Variants in TSR1 observed in about 807,000 individuals in gnomAD.
TSR1 encodes pre-rRNA-processing protein TSR1 homolog.
A neutral mutation model predicts 90.9 loss-of-function variants in TSR1; 81 were observed. The observed-to-expected ratio is 0.89, with a 90% CI of 0.74 to 1.07. The LOEUF is 1.07. Ranked by LOEUF, TSR1 falls within the 50% of genes least tolerant of loss-of-function variation. The probability of loss-of-function intolerance (pLI) is 0.00; values close to 1 mark genes in which losing one functional copy is unlikely to be tolerated. For missense variants in TSR1, 989 were observed against 987.3 expected, an observed-to-expected ratio of 1.00 and a Z score of -0.02; for synonymous variants, 362 against 348.8, an observed-to-expected ratio of 1.04 and a Z score of -0.42.
intron 11 of TSR1, among the ~76,000 whole-genome samples, chr17:2,328,040 C>T (rs1194929369): frequency 6.6e-6 from 1 of 151,664 alleles, no homozygotes; most frequent in Non-Finnish European, 1.5e-5. Context: ...CGCCTAAGGT[C>T]GAGACCAGCC....
chr17:2,328,808 T>TG (rs1289145468), intron 11 of TSR1, among the ~76,000 whole-genome samples: 1 of 147,238 alleles, frequency 6.8e-6, no homozygotes, highest in East Asian at 2.0e-4. Flanking sequence ...CCCAGCTACT[T>TG]GGGAGGCTGA....
chr17:2,325,666 G>A (rs1407607052), intron 11 of TSR1, among the ~76,000 whole-genome samples: 2 of 151,094 alleles, frequency 1.3e-5, no homozygotes, highest in East Asian at 3.9e-4. Context: ...AGGCTGGAAT[G>A]CAATGGTGTG....
intron 2 of TSR1, 124 bp downstream of exon 2, chr17:2,335,913 C>A (rs565305150): frequency 5.6e-6 from 7 of 1,243,854 alleles, no homozygotes; most frequent in Non-Finnish European, 8.0e-6. Flanking sequence ...CCTGCACGCT[C>A]GACACGTGCT....
In TSR1 at chr17:2,335,525, G is replaced by A; in HGVS notation, c.407C>T (p.Thr136Ile). ...CPRLKHRWFF[T>I]SARPGDLHVV... ...TATACTCTAACCTGGCCTTGCTGAG[G>A]TGAAAAACCACCGATGTTTCAAGCG... is the stretch of plus-strand genomic sequence containing the variant. The change falls in exon 3 of 15, where the codon ACC (threonine) becomes ATC (isoleucine). Residue 136 changes from threonine to isoleucine, a missense_variant. Coordinates refer to ENST00000301364, the MANE Select transcript of TSR1 (RefSeq NM_018128.5). The A allele has an allele frequency of 1.9e-6, 3 of 1,613,976 alleles. No individual in the cohort carries two copies. Among genetic ancestry groups the A allele is most frequent in the Non-Finnish European group, 2.5e-6 (3 of 1,180,000 alleles).
At chr17:2,325,231 A>T in intron 12 of TSR1, 73 bp downstream of exon 12, 2 of 1,150,228 alleles carry the variant, frequency 1.7e-6, no homozygotes, top group Non-Finnish European at 2.5e-6. Flanking sequence ...TCCCAAATTT[A>T]AATAAACAAG....
In TSR1 at chr17:2,332,356, C is replaced by T. The variant is rs753593435; in HGVS notation, c.1309G>A (p.Glu437Lys). Residue 437 changes from glutamate to lysine, a missense_variant, in exon 8 of 15, where the codon GAG becomes AAG. By Grantham distance (56) the Glu-to-Lys change is moderately conservative (BLOSUM62 1). Coordinates refer to ENST00000301364, the MANE Select transcript of TSR1 (RefSeq NM_018128.5). Reference sequence around the variant, plus strand: ...TATTCTTCCTCTTCTTCACTACTCTCATCCTGTAGAATAGGATTACAGTTT... The same window carrying T: ...TATTCTTCCTCTTCTTCACTACTCTTATCCTGTAGAATAGGATTACAGTTT... ...EDFMEEESQD[E>K]SSEEEEEYET... 3 of 1,593,532 alleles carry T rather than the reference C, an allele frequency of 1.9e-6. No individual in the cohort carries two copies. Among genetic ancestry groups the T allele is most frequent in the Admixed American group, 3.7e-5 (2 of 53,580 alleles).
chr17:2,335,971 A>T (rs571497444), intron 2 of TSR1, 66 bp downstream of exon 2: 52 of 1,530,732 alleles, frequency 3.4e-5, no homozygotes, highest in African/African-American at 4.1e-5. Context: ...CTCATTTTCC[A>T]CTTCGAGGCA....
Position 2,334,627 on chromosome 17 carries a change from C to T in TSR1, c.826G>A (p.Gly276Ser). 6.2e-7 allele frequency: 1 copy of T among 1,613,982 alleles called. No homozygotes were observed. The highest frequency in any genetic ancestry group is 8.5e-7 in the Non-Finnish European group (1 of 1,180,036). Residue 276 changes from glycine to serine, a missense_variant, in exon 5 of 15, where the codon GGC becomes AGC. Physicochemically the swap from Gly to Ser is moderately conservative, Grantham distance 56. Coordinates refer to ENST00000301364, the MANE Select transcript of TSR1 (RefSeq NM_018128.5). The stretch of plus-strand genomic sequence containing the variant: ...TTCAGAGTCTGCCCTCGAACATAGC[C>T]TGAAATTTTCAAGGTGCCCACCAAG... ...NNLVGTLKIS[G>S]YVRGQTLNVN... is the part of the protein sequence containing the mutation.
In TSR1 at chr17:2,323,284, C is replaced by T. The variant is rs1248101999; in HGVS notation, c.*912G>A. ...GTCAAATCCAGCATTGGCTTGAACA[C>T]CTGGCCTATTATCAGGGACCTTGTG... is the stretch of plus-strand genomic sequence containing the variant. On this transcript the variant is annotated 3_prime_UTR_variant, in exon 15 of 15. Coordinates refer to ENST00000301364, the MANE Select transcript of TSR1 (RefSeq NM_018128.5). 5.0e-6 allele frequency: 8 copies of T among 1,614,132 alleles called. No individual in the cohort carries two copies. The highest frequency in any genetic ancestry group is 6.8e-6 in the Non-Finnish European group (8 of 1,179,990).
chr17:2,334,369 C>T, intron 5 of TSR1, 103 bp downstream of exon 5: 1 of 1,217,488 alleles, frequency 8.2e-7, no homozygotes, highest in Non-Finnish European at 1.2e-6. Context: ...TTCAGACTAG[C>T]AGTCTCCTCA....
In TSR1 at chr17:2,329,475, T is replaced by C. The variant is rs1473696067; in HGVS notation, c.1771A>G (p.Met591Val). 1.9e-6 allele frequency: 3 copies of C among 1,613,574 alleles called. No homozygotes were observed. The South Asian group carries it at 3.3e-5, about 18-fold the overall frequency. The change falls in exon 11 of 15, where the codon ATG becomes GTG. Residue 591 changes from methionine to valine, a missense_variant and splice_region_variant. Physicochemically the swap from Met to Val is conservative, Grantham distance 21. Transcript: ENST00000301364. ...AFSLLPHEQKMSVLNMVVRRD... is the reference protein window; with the variant it reads ...AFSLLPHEQKVSVLNMVVRRD... ...CTCACCACCATATTCAATACTGACA[T>C]CTGGGGACCAAGTAAGAAAAACAAA...
rs1198242047 is a variant in TSR1 at position 2,323,902 on chromosome 17, A to G, written c.*294T>C. 3 of 1,593,662 alleles carry G rather than the reference A, an allele frequency of 1.9e-6. No individual in the cohort carries two copies. In the African/African-American group the frequency reaches 4.0e-5, roughly 21 times the overall value. On this transcript the variant is annotated 3_prime_UTR_variant, in exon 15 of 15. Coordinates refer to ENST00000301364, the MANE Select transcript of TSR1 (RefSeq NM_018128.5). Reference sequence around the variant, plus strand: ...ACAGAAAAGGAAATGGTGGGAATTCAGTGTCTTTAGATACTGAAGACATTT... The same window carrying G: ...ACAGAAAAGGAAATGGTGGGAATTCGGTGTCTTTAGATACTGAAGACATTT...
chr17:2,331,433 G>C (rs2064002328), intron 8 of TSR1, among the ~76,000 whole-genome samples: 1 of 152,166 alleles, frequency 6.6e-6, no homozygotes, highest in Admixed American at 6.6e-5. Flanking sequence ...ACTGCATTAG[G>C]GGAGAGGTTT....
chr17:2,333,731 C>A lies in TSR1; in HGVS notation c.982-15G>T. 1 of 1,613,772 alleles carries A rather than the reference C, an allele frequency of 6.2e-7. No individual in the cohort carries two copies. The highest frequency in any genetic ancestry group is 8.5e-7 in the Non-Finnish European group (1 of 1,179,844). ...GTAGCACAAATCTGAAAACCAAAAG[C>A]AGGTGATAGTCAACCATGAACCAAA... On this transcript the variant is annotated splice_polypyrimidine_tract_variant and intron_variant, in intron 5 of 14. Coordinates refer to ENST00000301364, the MANE Select transcript of TSR1 (RefSeq NM_018128.5).
At chr17:2,328,899 G>T (rs190599102) in intron 11 of TSR1, 6 of 211,746 alleles carry the variant, frequency 2.8e-5, no homozygotes, top group South Asian at 5.1e-5. Flanking sequence ...CAGCCTGGGC[G>T]ACAGAGTGAG....
rs2075556935 is a variant in TSR1, at chr17:2,323,962, T to C, written c.*234A>G. ...GTATTGTCAACTCTTAGTTATCAGA[T>C]TCTTAATGGAGAGTGGCTATTTCAT... On this transcript the variant is annotated 3_prime_UTR_variant, in exon 15 of 15. Transcript: ENST00000301364. 1.6e-6 allele frequency: 2 copies of C among 1,277,372 alleles called. No individual in the cohort carries two copies. The highest frequency in any genetic ancestry group is 1.4e-5 in the South Asian group (1 of 71,930). 79.1% of individuals were successfully genotyped at this position (1,277,372 alleles called of 1,614,324 possible).
At position 2,333,623 on chromosome 17, in the gene TSR1, C is replaced by A. The variant is rs774239963; in HGVS notation, c.1075G>T (p.Val359Phe). Reference protein sequence around the residue: ...PGRQESLQAEVIPDPMEGEQT... With the variant: ...PGRQESLQAEFIPDPMEGEQT... ...TCTCCCTCCATTGGATCTGGGATAA[C>A]CTCTGCTTGCAAGGATTCCTGTCTA... The change falls in exon 6 of 15, where the codon GTT becomes TTT. Residue 359 changes from valine (V) to phenylalanine (F), a missense_variant. Transcript: ENST00000301364. 1.2e-6 allele frequency: 2 copies of A among 1,614,126 alleles called. No homozygotes were observed. The highest frequency in any genetic ancestry group is 3.3e-5 in the Admixed American group (2 of 60,010).
At chr17:2,334,382 C>T (rs2064029566) in intron 5 of TSR1, 90 bp downstream of exon 5, 15 of 1,360,564 alleles carry the variant, frequency 1.1e-5, no homozygotes, top group Non-Finnish European at 1.5e-5. Context: ...TCTCCTCATT[C>T]ACCTAAGTGT....
Position 2,335,730 on chromosome 17 carries a change from C to G in TSR1, c.202G>C (p.Val68Leu). 6.2e-7 allele frequency: 1 copy of G among 1,612,308 alleles called. No individual in the cohort carries two copies. Among genetic ancestry groups the G allele is most frequent in the South Asian group, 1.1e-5 (1 of 90,998 alleles). Residue 68 changes from valine (V) to leucine (L), a missense_variant and splice_region_variant, in exon 3 of 15, where the codon GTT becomes CTT. Transcript: ENST00000301364. ...SQLRKQKKEAVLAEKRQLGGK... is the reference protein window; with the variant it reads ...SQLRKQKKEALLAEKRQLGGK... The stretch of plus-strand genomic sequence containing the variant: ...CCCAGCTGTCTCTTCTCTGCCAGAA[C>G]CTGAAAATAGAAAGATATCCGAGAA...
Sources: gnomAD v4.1 joint callset for allele counts (sites outside exome capture counted in the v4.1 genomes callset) on GRCh38, gnomAD v4.1.1 for gene constraint, MANE v1.5 for transcripts, NCBI Gene and HGNC (gene_info 2026-07-23, HGNC 2026-07-21) for gene names.